Variants in CYP2E1 observed in about 807,000 individuals in gnomAD.
CYP2E1 encodes the protein cytochrome P450 family 2 subfamily E member 1, also known as cytochrome P450 2E1.
In CYP2E1, 31 loss-of-function variants were observed where a neutral mutation model predicts 42.9. The ratio of observed to expected loss-of-function variants is 0.72; its 90% CI spans 0.54 to 0.98. CYP2E1 has a LOEUF of 0.98. Ranked by LOEUF, CYP2E1 falls within the 50% of genes least tolerant of loss-of-function variation. The pLI is 0.00. For missense variants in CYP2E1, 565 were observed against 633.2 expected, an observed-to-expected ratio of 0.89 and a Z score of 1.16; for synonymous variants, 244 against 248.9, an observed-to-expected ratio of 0.98 and a Z score of 0.19.
At position 133,538,969 on chromosome 10, in the gene CYP2E1, G is replaced by T; in HGVS notation, c.*5G>T. On this transcript the variant is annotated 3_prime_UTR_variant, in exon 9 of 9. Coordinates refer to ENST00000252945, the MANE Select transcript of CYP2E1 (RefSeq NM_000773.4). ...TGTGTCATTCCCCGCTCATGAGTGT[G>T]TGGAGGACACCCTGAACCCCCCGCT... The T allele has an allele frequency of 6.3e-7, 1 of 1,596,416 alleles. No individual in the cohort carries two copies. The highest frequency in any genetic ancestry group is 1.1e-5 in the South Asian group (1 of 88,640).
In CYP2E1 at chr10:133,532,228, A is replaced by G; in HGVS notation, c.592A>G (p.Arg198Gly). ...TGACTACAATGATGAGAAGTTTCTAAGGCTGATGTATTTGTTTAATGAGAA... is the reference window on the plus strand; with the variant it reads ...TGACTACAATGATGAGAAGTTTCTAGGGCTGATGTATTTGTTTAATGAGAA... ...HFDYNDEKFLRLMYLFNENFH... is the reference protein window; with the variant it reads ...HFDYNDEKFLGLMYLFNENFH... The change falls in exon 4 of 9, where the codon AGG becomes GGG. Residue 198 changes from arginine (R) to glycine (G), a missense_variant. Transcript: ENST00000252945. 3 of 1,613,990 alleles carry G rather than the reference A, an allele frequency of 1.9e-6. No homozygotes were observed. Among genetic ancestry groups the G allele is most frequent in the Non-Finnish European group, 2.5e-6 (3 of 1,179,990 alleles).
chr10:133,536,575 A>G (rs28517390), intron 6 of CYP2E1, among the ~76,000 whole-genome samples: 50,450 of 63,440 alleles, frequency 0.8, 20,192 homozygotes, highest in Non-Finnish European at 0.88. Context: ...ATGCGTGGGT[A>G]GGTGGATGGA....
In CYP2E1 at chr10:133,531,666, AACAGG is replaced by A; in HGVS notation, c.420_424del (p.Gly142Ter). 6.2e-7 allele frequency: 1 copy of A among 1,613,720 alleles called. No homozygotes were observed. The highest frequency in any genetic ancestry group is 8.5e-7 in the Non-Finnish European group (1 of 1,179,822). ...ACCCTCCGGAACTATGGGATGGGGA[AACAGG>A]GCAATGAGAGCCGGATCCAGAGGGA... On this transcript the variant is annotated frameshift_variant, in exon 3 of 9. Coordinates refer to ENST00000252945, the MANE Select transcript of CYP2E1 (RefSeq NM_000773.4). LOFTEE classifies it high-confidence loss of function.
At chr10:133,533,632 A>G in intron 5 of CYP2E1, 124 bp from the exon 6 acceptor site, 2 of 1,105,692 alleles carry the variant, frequency 1.8e-6, no homozygotes, top group Non-Finnish European at 2.6e-6. Context: ...TCCAAGTCAC[A>G]GTTCCACTGG....
chr10:133,532,707 C>T lies in CYP2E1; in HGVS notation c.664C>T (p.Pro222Ser). The change falls in exon 5 of 9, where the codon CCC (proline) becomes TCC (serine). Residue 222 changes from proline to serine, a missense_variant. Coordinates refer to ENST00000252945, the MANE Select transcript of CYP2E1 (RefSeq NM_000773.4). ...CCCTCTCTAGCTTTACAATAATTTT[C>T]CCAGCTTTCTACACTACTTGCCTGG... ...TPWLQLYNNF[P>S]SFLHYLPGSH... 1 of 1,592,158 alleles carries T rather than the reference C, an allele frequency of 6.3e-7. No homozygotes were observed. The highest frequency in any genetic ancestry group is 8.5e-7 in the Non-Finnish European group (1 of 1,173,762).
rs1164635210 is a variant in CYP2E1 at position 133,537,407 on chromosome 10, T to C, written c.1155+157T>C. 1.8e-5 allele frequency: 13 copies of C among 707,740 alleles called. No individual in the cohort carries two copies. In the East Asian group the frequency reaches 3.3e-4, roughly 18 times the overall value. 43.8% of individuals were successfully genotyped at this position (707,740 alleles called of 1,614,324 possible). ...CACTCCCACCCTGTGGGATACTGCA[T>C]CTCCAGGAGTGCTCACATTGGCCTG... On this transcript the variant is annotated intron_variant, in intron 7 of 8. Coordinates refer to ENST00000252945, the MANE Select transcript of CYP2E1 (RefSeq NM_000773.4).
intron 1 of CYP2E1, 124 bp from the exon 2 acceptor site, chr10:133,528,357 T>C: frequency 8.4e-7 from 1 of 1,187,102 alleles, no homozygotes; most frequent in Non-Finnish European, 1.2e-6. Flanking sequence ...CAAAGACAGC[T>C]TTTCCCCACG....
Position 133,537,141 on chromosome 10 carries a change from A to T in CYP2E1, c.1046A>T (p.Tyr349Phe). ...PAIKDRQEMPYMDAVVHEIQR... is the reference protein window; with the variant it reads ...PAIKDRQEMPFMDAVVHEIQR... Reference sequence around the variant, plus strand: ...ATCAAGGATAGGCAAGAGATGCCCTACATGGATGCTGTGGTGCATGAGATT... The same window carrying T: ...ATCAAGGATAGGCAAGAGATGCCCTTCATGGATGCTGTGGTGCATGAGATT... Residue 349 changes from tyrosine (Y) to phenylalanine (F), a missense_variant, in exon 7 of 9, where the codon TAC (tyrosine) becomes TTC (phenylalanine). Tyr to Phe is a conservative substitution (Grantham distance 22, BLOSUM62 3). Transcript: ENST00000252945. 1 of 1,613,516 alleles carries T rather than the reference A, an allele frequency of 6.2e-7. No individual in the cohort carries two copies. The highest frequency in any genetic ancestry group is 8.5e-7 in the Non-Finnish European group (1 of 1,179,478).
chr10:133,531,363 C>A (rs1342272518), intron 2 of CYP2E1, among the ~76,000 whole-genome samples: 3 of 152,138 alleles, frequency 2.0e-5, no homozygotes, highest in Non-Finnish European at 4.4e-5. Flanking sequence ...AACCACAGTG[C>A]AGACTGTGAG....
At position 133,528,739 on chromosome 10, in the gene CYP2E1, C is replaced by A; in HGVS notation, c.337+99C>A. The A allele has an allele frequency of 5.8e-6, 8 of 1,391,102 alleles. 1 individual carries two copies. The South Asian group carries it at 7.7e-5, about 13-fold the overall frequency. 86.2% of individuals were successfully genotyped at this position (1,391,102 alleles called of 1,614,324 possible). A position where few individuals can be genotyped will look rare whatever the true frequency, so the allele number is the denominator to read the frequency against. ...CGGCGATGGCCAAATAATAAACTAA[C>A]AGTAATATTATAGTAACAGCATCCG... On this transcript the variant is annotated intron_variant, in intron 2 of 8. Coordinates refer to ENST00000252945, the MANE Select transcript of CYP2E1 (RefSeq NM_000773.4).
At chr10:133,536,198 A>G (rs1163258614) in intron 6 of CYP2E1, among the ~76,000 whole-genome samples, 3 of 152,194 alleles carry the variant, frequency 2.0e-5, no homozygotes, top group Admixed American at 2.0e-4. Flanking sequence ...TCTTGACATG[A>G]AGAGAACTGA....
Position 133,532,796 on chromosome 10 carries a change from G to C in CYP2E1, c.753G>C (p.Lys251Asn), listed in dbSNP as rs1352765108. 4 of 1,613,344 alleles carry C rather than the reference G, an allele frequency of 2.5e-6. No individual in the cohort carries two copies. Among genetic ancestry groups the C allele is most frequent in the Non-Finnish European group, 3.4e-6 (4 of 1,179,832 alleles). The change falls in exon 5 of 9, where the codon AAG (lysine) becomes AAC (asparagine). Residue 251 changes from lysine (K) to asparagine (N), a missense_variant. Physicochemically the swap from Lys to Asn is moderately conservative, Grantham distance 94. Transcript: ENST00000252945. The part of the protein sequence containing the change: ...EVKEYVSERV[K>N]EHHQSLDPNC... ...AAGAGTATGTGTCTGAAAGGGTGAA[G>C]GAGCACCATCAATCTCTGGACCCCA... is the stretch of plus-strand genomic sequence containing the variant.
Position 133,538,827 on chromosome 10 carries a change from C to A in CYP2E1, c.1345C>A (p.Leu449Ile). 1.9e-6 allele frequency: 3 copies of A among 1,608,210 alleles called. No homozygotes were observed. The highest frequency in any genetic ancestry group is 2.5e-6 in the Non-Finnish European group (3 of 1,176,934). ...GEGLARMELF[L>I]LLCAILQHFN... ...AGGCCTGGCTCGCATGGAGTTGTTT[C>A]TTTTGTTGTGTGCCATTTTGCAGCA... The change falls in exon 9 of 9, where the codon CTT becomes ATT. Residue 449 changes from leucine to isoleucine, a missense_variant. Physicochemically the swap from Leu to Ile is conservative, Grantham distance 5. Coordinates refer to ENST00000252945, the MANE Select transcript of CYP2E1 (RefSeq NM_000773.4).
chr10:133,530,679 C>A (rs41299420), intron 2 of CYP2E1, among the ~76,000 whole-genome samples: 72 of 152,092 alleles, frequency 4.7e-4, no homozygotes, highest in African/African-American at 1.6e-3. Flanking sequence ...GGCAGGATGT[C>A]TTATATGCAG....
At chr10:133,536,765 T>G (rs189555233) in intron 6 of CYP2E1, among the ~76,000 whole-genome samples, 35 of 19,308 alleles carry the variant, frequency 1.8e-3, no homozygotes, top group Non-Finnish European at 3.8e-3. Flanking sequence ...GGATGGGTGG[T>G]TGGATGGATG....
chr10:133,538,850 G>C lies in CYP2E1; in HGVS notation c.1368G>C (p.Gln456His). 1 of 1,614,140 alleles carries C rather than the reference G, an allele frequency of 6.2e-7. No individual in the cohort carries two copies. The highest frequency in any genetic ancestry group is 1.1e-5 in the South Asian group (1 of 91,078). Reference sequence around the variant, plus strand: ...TTCTTTTGTTGTGTGCCATTTTGCAGCATTTTAATTTGAAGCCTCTCGTTG... The same window carrying C: ...TTCTTTTGTTGTGTGCCATTTTGCACCATTTTAATTTGAAGCCTCTCGTTG... ...ELFLLLCAIL[Q>H]HFNLKPLVDP... The change falls in exon 9 of 9, where the codon CAG (glutamine) becomes CAC (histidine). Residue 456 changes from glutamine to histidine, a missense_variant. Coordinates refer to ENST00000252945, the MANE Select transcript of CYP2E1 (RefSeq NM_000773.4).
chr10:133,536,828 G>GTGT (rs1851410132), intron 6 of CYP2E1, among the ~76,000 whole-genome samples: 2 of 114,390 alleles, frequency 1.7e-5, no homozygotes, highest in Non-Finnish European at 3.6e-5. Context: ...TGGATGGGTG[G>GTGT]GTGGGTGGAT....
intron 2 of CYP2E1, among the ~76,000 whole-genome samples, chr10:133,530,866 A>G (rs568997730): frequency 3.3e-5 from 5 of 152,314 alleles, no homozygotes; most frequent in African/African-American, 1.2e-4. Context: ...GTTTACAGTT[A>G]GTTGAGATAA....
In CYP2E1 at chr10:133,532,281, C is replaced by G; in HGVS notation, c.645C>G (p.Leu215=). Residue 215 remains leucine (L), a synonymous_variant, in exon 4 of 9, where the codon CTC becomes CTG. Transcript: ENST00000252945. ...ENFHLLSTPW[L]QLYNNFPSFL... is the part of the protein sequence containing the mutation. ...TCCACCTACTCAGCACTCCCTGGCTCCAGGTGAAGCCACTTTCCTCTTTCA... is the reference window on the plus strand; with the variant it reads ...TCCACCTACTCAGCACTCCCTGGCTGCAGGTGAAGCCACTTTCCTCTTTCA... The G allele has an allele frequency of 1.2e-6, 2 of 1,610,310 alleles. No homozygotes were observed. Among genetic ancestry groups the G allele is most frequent in the Admixed American group, 1.7e-5 (1 of 59,944 alleles).
Sources: gnomAD v4.1 joint callset for allele counts (sites outside exome capture counted in the v4.1 genomes callset) on GRCh38, gnomAD v4.1.1 for gene constraint, MANE v1.5 for transcripts, NCBI Gene and HGNC (gene_info 2026-07-23, HGNC 2026-07-21) for gene names.